The following STK33 variants were observed in gnomAD, a reference collection of about 807,000 sequenced individuals.
The protein encoded by STK33 is serine/threonine kinase 33.
Under a neutral mutation model 58.0 loss-of-function variants are expected in STK33, and 52 were observed. The ratio of observed to expected loss-of-function variants is 0.90; its 90% CI spans 0.72 to 1.13. STK33 has a LOEUF of 1.13. STK33 is among the 50% of genes most tolerant of loss of function. The pLI is 0.00. For missense variants in STK33, 630 were observed against 604.2 expected (o/e 1.04, Z -0.45); for synonymous variants, 215 against 200.1 (o/e 1.07, Z -0.63).
chr11:8,570,769 A>T (rs989642747), intron 1 of STK33, among the ~76,000 whole-genome samples: 3 of 152,206 alleles, frequency 2.0e-5, no homozygotes, highest in Non-Finnish European at 2.9e-5. Flanking sequence ...GGTGATGGAT[A>T]TGTTCACTAT....
At chr11:8,442,958 G>A (rs993245519) in intron 11 of STK33, among the ~76,000 whole-genome samples, 1 of 152,126 alleles carries the variant, frequency 6.6e-6, no homozygotes, top group Non-Finnish European at 1.5e-5. Context: ...ATGGGTGGGG[G>A]ATTGACTGAA....
At chr11:8,572,915 T>C (rs1467327176) in intron 1 of STK33, among the ~76,000 whole-genome samples, 1 of 152,086 alleles carries the variant, frequency 6.6e-6, no homozygotes, top group East Asian at 1.9e-4. Flanking sequence ...GAACAGAGCC[T>C]CAATGACCTG....
intron 1 of STK33, among the ~76,000 whole-genome samples, chr11:8,485,397 A>T (rs927074712): frequency 8.5e-5 from 13 of 152,232 alleles, no homozygotes; most frequent in Non-Finnish European, 1.3e-4. Flanking sequence ...AACAAAAGTC[A>T]TGTAGACATA....
intron 6 of STK33, among the ~76,000 whole-genome samples, chr11:8,469,518 G>A (rs1948570812): frequency 6.6e-6 from 1 of 152,118 alleles, no homozygotes. Context: ...CCATGAGGGT[G>A]GGAATCAACA....
chr11:8,391,270 T>C (rs1042873622), downstream of STK33, among the ~76,000 whole-genome samples: 28 of 152,218 alleles, frequency 1.8e-4, no homozygotes, highest in African/African-American at 6.0e-4. Flanking sequence ...AGCAGCTATG[T>C]TAATGACAGT....
At chr11:8,434,470 A>G (rs1943818280) in intron 14 of STK33, among the ~76,000 whole-genome samples, 3 of 152,128 alleles carry the variant, frequency 2.0e-5, no homozygotes, top group African/African-American at 7.2e-5. Flanking sequence ...CACTTACTGA[A>G]TCATTCACTC....
chr11:8,381,668 G>C, the STK33 span, among the ~76,000 whole-genome samples: 6 of 152,192 alleles, frequency 3.9e-5, no homozygotes, highest in East Asian at 1.2e-3. Flanking sequence ...CCTGTCCCTG[G>C]GCCTTGCTGT....
At chr11:8,441,757 T>C (rs916303222) in intron 11 of STK33, among the ~76,000 whole-genome samples, 2 of 152,010 alleles carry the variant, frequency 1.3e-5, no homozygotes, top group Non-Finnish European at 1.5e-5. Flanking sequence ...AAAAAGAAAA[T>C]AGTTATAAGC....
At position 8,461,789 on chromosome 11, in the gene STK33, C is replaced by A. The variant is rs771334983; in HGVS notation, c.558+16G>T. 2 of 1,546,842 alleles carry A rather than the reference C, an allele frequency of 1.3e-6. No homozygotes were observed. The highest frequency in any genetic ancestry group is 4.2e-5 in the Admixed American group (2 of 48,114). The stretch of plus-strand genomic sequence containing the variant: ...TAATAACAACTTTCAAAATGCAGCG[C>A]CTAATAGAGGTTTACCTTTGGCGTT... On this transcript the variant is annotated intron_variant, in intron 8 of 15. Coordinates refer to ENST00000687296, the MANE Select transcript of STK33 (RefSeq NM_001352389.2).
chr11:8,424,230 C>T (rs946662986), intron 14 of STK33, among the ~76,000 whole-genome samples: 2 of 149,022 alleles, frequency 1.3e-5, no homozygotes, highest in African/African-American at 4.9e-5. Context: ...TGAGTGAGAA[C>T]ATGCGGTGTT....
the STK33 span, among the ~76,000 whole-genome samples, chr11:8,378,010 T>C: frequency 7.5e-3 from 1,143 of 152,310 alleles, 17 homozygotes; most frequent in African/African-American, 0.026. Flanking sequence ...GTCAATATCA[T>C]GAAAATGACC....
chr11:8,479,134 G>T (rs1308579119), intron 2 of STK33, among the ~76,000 whole-genome samples: 4 of 152,114 alleles, frequency 2.6e-5, no homozygotes, highest in African/African-American at 9.7e-5. Context: ...GAGAACAGAG[G>T]CCGGGTGCGG....
chr11:8,516,371 G>A (rs545130054), intron 1 of STK33, among the ~76,000 whole-genome samples: 28 of 152,254 alleles, frequency 1.8e-4, no homozygotes, highest in Admixed American at 1.0e-3. Flanking sequence ...GAATGAAACT[G>A]GGGGCAGATT....
intron 1 of STK33, among the ~76,000 whole-genome samples, chr11:8,548,008 G>A (rs1326998122): frequency 6.7e-6 from 1 of 148,432 alleles, no homozygotes; most frequent in Non-Finnish European, 1.5e-5. Flanking sequence ...ACCGGGGCCT[G>A]TTGTGGGGTG....
chr11:8,498,810 C>T (rs1448554753), intron 1 of STK33, among the ~76,000 whole-genome samples: 3 of 152,142 alleles, frequency 2.0e-5, no homozygotes, highest in Admixed American at 2.0e-4. Flanking sequence ...TTTGACAAAC[C>T]TGACACAAAC....
At chr11:8,335,170 G>A in the STK33 span, among the ~76,000 whole-genome samples, 1 of 152,172 alleles carries the variant, frequency 6.6e-6, no homozygotes, top group Non-Finnish European at 1.5e-5. Flanking sequence ...AGTGCCTCGG[G>A]CTGAGGGGGA....
intron 2 of STK33, among the ~76,000 whole-genome samples, chr11:8,478,400 A>G (rs1415774045): frequency 1.3e-5 from 2 of 152,200 alleles, no homozygotes; most frequent in Admixed American, 6.5e-5. Context: ...ATATAAGCAA[A>G]TAAAATAAGT....
At chr11:8,504,616 C>T (rs150048837) in intron 1 of STK33, among the ~76,000 whole-genome samples, 1 of 151,956 alleles carries the variant, frequency 6.6e-6, no homozygotes, top group Admixed American at 6.6e-5. Context: ...AGGGAGACCT[C>T]ATCTCCAGAA....
At chr11:8,450,413 G>A (rs1472412033) in intron 11 of STK33, among the ~76,000 whole-genome samples, 1 of 152,040 alleles carries the variant, frequency 6.6e-6, no homozygotes, top group East Asian at 1.9e-4. Flanking sequence ...TTGGGGGGTT[G>A]GGAGCTAGGG....
Sources: gnomAD v4.1 joint callset for allele counts (sites outside exome capture counted in the v4.1 genomes callset) on GRCh38, gnomAD v4.1.1 for gene constraint, MANE v1.5 for transcripts, NCBI Gene and HGNC (gene_info 2026-07-23, HGNC 2026-07-21) for gene names.